The following FEZ2 variants were observed in gnomAD, a reference collection of about 807,000 sequenced individuals.
FEZ2 encodes the protein fasciculation and elongation protein zeta 2, also known as fasciculation and elongation protein zeta-2.
A neutral mutation model predicts 40.4 loss-of-function variants in FEZ2; 51 were observed. The ratio of observed to expected loss-of-function variants is 1.26; its 90% CI spans 1.01 to 1.59. The LOEUF (loss-of-function observed/expected upper bound fraction) is 1.59. Ranked by LOEUF, FEZ2 falls within the 40% of genes most tolerant of loss-of-function variation. The probability of loss-of-function intolerance (pLI) is 0.00; values close to 1 mark genes in which losing one functional copy is unlikely to be tolerated. For synonymous variants in FEZ2, 242 were observed against 172.0 expected, an observed-to-expected ratio of 1.41 and a Z score of -3.18; for missense variants, 640 against 438.3, an observed-to-expected ratio of 1.46 and a Z score of -4.11.
chr2:36,575,724 TCAC>T (rs1668552489), intron 5 of FEZ2, among the ~76,000 whole-genome samples: 2 of 152,188 alleles, frequency 1.3e-5, no homozygotes, highest in Non-Finnish European at 2.9e-5. Context: ...ATTTTTTTTT[TCAC>T]CACAACAAAT....
intron 5 of FEZ2, 74 bp from the exon 6 acceptor site, chr2:36,558,587 TAGA>T (rs1668014556): frequency 1.3e-6 from 1 of 768,690 alleles, no homozygotes. Flanking sequence ...ATACTGTTAC[TAGA>T]AGGTCTATCT....
At chr2:36,568,223 G>A (rs1250429091) in intron 5 of FEZ2, among the ~76,000 whole-genome samples, 1 of 151,910 alleles carries the variant, frequency 6.6e-6, no homozygotes, top group Non-Finnish European at 1.5e-5. Flanking sequence ...AGGGAGGGAA[G>A]CATTTCTTTG....
At chr2:36,570,193 G>A (rs1025111686) in intron 5 of FEZ2, among the ~76,000 whole-genome samples, 5 of 151,808 alleles carry the variant, frequency 3.3e-5, no homozygotes, top group Admixed American at 3.3e-4. Context: ...TTATAAAGCA[G>A]TTATAAAAGC....
chr2:36,578,707 C>G lies in FEZ2; in HGVS notation c.793G>C (p.Glu265Gln), dbSNP rs199679830. 4 of 1,613,882 alleles carry G rather than the reference C, an allele frequency of 2.5e-6. No individual in the cohort carries two copies. The highest frequency in any genetic ancestry group is 3.4e-6 in the Non-Finnish European group (4 of 1,179,880). The change falls in exon 5 of 8, where the codon GAA becomes CAA. Residue 265 changes from glutamate (E) to glutamine (Q), a missense_variant. Physicochemically the swap from Glu to Gln is conservative, Grantham distance 29 (BLOSUM62 2). Transcript: ENST00000405912. ...VKNSFISVLI[E>Q]VQNKQKEHKE... ...TGCTCTTTCTGTTTGTTTTGCACTT[C>G]AATAAGAACAGAAATAAAGCTGTTT...
chr2:36,581,734 T>A (rs927221257), intron 3 of FEZ2: 75 of 265,922 alleles, frequency 2.8e-4, no homozygotes, highest in African/African-American at 1.5e-3. Flanking sequence ...TACAAACACA[T>A]AATAATTTAC....
chr2:36,554,554 TA>T lies in FEZ2; in HGVS notation c.1045+1128del, dbSNP rs199946520. Among the ~76,000 whole-genome samples the T allele has an allele frequency of 4.0e-5, 6 of 151,468 alleles. No individual in the cohort carries two copies. In the East Asian group the frequency reaches 9.7e-4, roughly 24 times the overall value. On this transcript the variant is annotated intron_variant, in intron 7 of 7. Transcript: ENST00000405912. ...AAAAGCAAACAAAGATGTCAGGTAT[TA>T]AAAAAAAAATTTTTCAGAATTTTAT...
chr2:36,597,963 C>G lies in FEZ2; in HGVS notation c.180G>C (p.Leu60=). 1 of 1,474,954 alleles carries G rather than the reference C, an allele frequency of 6.8e-7. No homozygotes were observed. The highest frequency in any genetic ancestry group is 8.9e-7 in the Non-Finnish European group (1 of 1,119,492). The allele number at this position is 1,474,954 out of a possible 1,614,324, so 91.4% of individuals were successfully genotyped here. The change falls in exon 1 of 8, where the codon CTG becomes CTC. Residue 60 remains leucine (L), a synonymous_variant. Coordinates refer to ENST00000405912, the MANE Select transcript of FEZ2 (RefSeq NM_005102.3). The part of the protein sequence containing the change: ...PACSLEEKLS[L]CFRPSDPGAE... ...CGCCCGGATCCGAGGGGCGGAAGCACAGGCTCAGCTTCTCCTCCAAGCTGC... is the reference window on the plus strand; with the variant it reads ...CGCCCGGATCCGAGGGGCGGAAGCAGAGGCTCAGCTTCTCCTCCAAGCTGC...
At chr2:36,581,552 G>A (rs769744906) in intron 3 of FEZ2, 121 bp from the exon 4 acceptor site, 3 of 791,184 alleles carry the variant, frequency 3.8e-6, no homozygotes, top group East Asian at 2.6e-5. Flanking sequence ...TTAACCAATG[G>A]TGTTCAGGTG....
rs1372992274 is a variant in FEZ2, at chr2:36,598,023, C to T, written c.120G>A (p.Ala40=). Residue 40 remains alanine, a synonymous_variant, in exon 1 of 8, where the codon GCG becomes GCA. Coordinates refer to ENST00000405912, the MANE Select transcript of FEZ2 (RefSeq NM_005102.3). ...PEPGAEAGAE[A]GGGADGFPAP... is the part of the protein sequence containing the mutation. Reference sequence around the variant, plus strand: ...CCGGGAAACCGTCGGCGCCCCCACCCGCCTCGGCCCCCGCCTCCGCCCCAG... The same window carrying T: ...CCGGGAAACCGTCGGCGCCCCCACCTGCCTCGGCCCCCGCCTCCGCCCCAG... 52 of 1,484,702 alleles carry T rather than the reference C, an allele frequency of 3.5e-5. No homozygotes were observed. The highest frequency in any genetic ancestry group is 1.1e-4 in the Admixed American group (5 of 47,024). The allele number at this position is 1,484,702 out of a possible 1,614,324, so 92.0% of individuals were successfully genotyped here.
intron 6 of FEZ2, chr2:36,558,087 G>A (rs1185996199): frequency 6.2e-6 from 1 of 160,452 alleles, no homozygotes; most frequent in African/African-American, 2.4e-5. Flanking sequence ...TTCAGTTACT[G>A]ACAATCATAG....
intron 4 of FEZ2, among the ~76,000 whole-genome samples, chr2:36,579,446 C>T (rs1668671264): frequency 2.6e-5 from 4 of 152,112 alleles, no homozygotes; most frequent in African/African-American, 9.7e-5. Context: ...TGGGAGGTCA[C>T]TGGATCATGA....
chr2:36,555,873 T>C lies in FEZ2; in HGVS notation c.980-125A>G, dbSNP rs561567374. On this transcript the variant is annotated intron_variant, in intron 6 of 7. Transcript: ENST00000405912. ...GGATATAACTGACTCATACAAATTA[T>C]AGGTGATTTTCCTGATAAGGGGATA... is the stretch of plus-strand genomic sequence containing the variant. 7.3e-5 allele frequency: 49 copies of C among 667,306 alleles called. 1 individual carries two copies. The East Asian group carries it at 1.2e-3, about 16-fold the overall frequency. The allele number at this position is 667,306 out of a possible 1,614,324, so 41.3% of individuals were successfully genotyped here.
In FEZ2 at chr2:36,590,981, C is replaced by G. The variant is rs1380032769; in HGVS notation, c.297G>C (p.Gly99=). 2 of 1,611,102 alleles carry G rather than the reference C, an allele frequency of 1.2e-6. No homozygotes were observed. The highest frequency in any genetic ancestry group is 2.2e-5 in the East Asian group (1 of 44,878). Residue 99 remains glycine (G), a synonymous_variant, in exon 2 of 8, where the codon GGG becomes GGC. Coordinates refer to ENST00000405912, the MANE Select transcript of FEZ2 (RefSeq NM_005102.3). Reference sequence around the variant, plus strand: ...ACTTCCAGTCTACAGGCATCACATTCCCATAATTATCTGTCAGGGCATTCC... The same window carrying G: ...ACTTCCAGTCTACAGGCATCACATTGCCATAATTATCTGTCAGGGCATTCC... The part of the protein sequence containing the change: ...EIWNALTDNY[G]NVMPVDWKSS...
chr2:36,554,612 C>T (rs1353687107), intron 7 of FEZ2, among the ~76,000 whole-genome samples: 3 of 152,036 alleles, frequency 2.0e-5, no homozygotes, highest in Non-Finnish European at 4.4e-5. Context: ...AGAAAAAAAG[C>T]TTATTTTTTA....
At chr2:36,563,877 C>T (rs1668160642) in intron 5 of FEZ2, among the ~76,000 whole-genome samples, 1 of 152,216 alleles carries the variant, frequency 6.6e-6, no homozygotes, top group South Asian at 2.1e-4. Context: ...TCACCCCAAC[C>T]CTCCTGCTCT....
chr2:36,580,745 G>C (rs1486055577), intron 4 of FEZ2, among the ~76,000 whole-genome samples: 1 of 152,134 alleles, frequency 6.6e-6, no homozygotes, highest in African/African-American at 2.4e-5. Context: ...ATGTGTTGAA[G>C]TCCTAACCCC....
chr2:36,595,273 A>C (rs1263331668), intron 1 of FEZ2, among the ~76,000 whole-genome samples: 1 of 152,026 alleles, frequency 6.6e-6, no homozygotes, highest in Non-Finnish European at 1.5e-5. Flanking sequence ...ATCATGAAAT[A>C]ATTTTACAAC....
At chr2:36,581,141 C>G in intron 4 of FEZ2, 149 bp downstream of exon 4, 1 of 776,046 alleles carries the variant, frequency 1.3e-6, no homozygotes, top group Non-Finnish European at 2.1e-6. Context: ...AAAGTGAAAT[C>G]CCGTCTCAAC....
chr2:36,556,763 A>G (rs1667970899), intron 6 of FEZ2: 1 of 152,248 alleles, frequency 6.6e-6, no homozygotes, highest in Non-Finnish European at 1.5e-5. Context: ...AGTACATGCT[A>G]TGTATTAACT....
Sources: allele counts gnomAD v4.1 joint callset (sites outside exome capture counted in the v4.1 genomes callset), GRCh38; gene constraint gnomAD v4.1.1; transcripts MANE v1.5; gene names NCBI Gene and HGNC (gene_info 2026-07-23, HGNC 2026-07-21).